The following ABLIM1 variants were observed in gnomAD, a reference collection of about 807,000 sequenced individuals.
ABLIM1 encodes the protein actin binding LIM protein 1, also known as actin-binding LIM protein 1.
A neutral mutation model predicts 107.0 loss-of-function variants in ABLIM1; 40 were observed. The ratio of observed to expected loss-of-function variants is 0.37; its 90% confidence interval spans 0.29 to 0.49. ABLIM1 has a LOEUF of 0.49. ABLIM1 is among the 20% of genes least tolerant of loss of function. The probability of loss-of-function intolerance (pLI) is 0.97; values close to 1 mark genes in which losing one functional copy is unlikely to be tolerated. For missense variants in ABLIM1, 857 were observed against 1,008.5 expected (o/e 0.85, Z 2.04); for synonymous variants, 357 against 357.3 (o/e 1.00, Z 0.01).
At chr10:114,787,771 C>T in the ABLIM1 span, among the ~76,000 whole-genome samples, 2 of 142,470 alleles carry the variant, frequency 1.4e-5, no homozygotes, top group African/African-American at 5.1e-5. Context: ...TCTGCCCTGC[C>T]GCCCCTACTG....
chr10:114,488,536 A>G (rs1302227458), intron 7 of ABLIM1, among the ~76,000 whole-genome samples: 2 of 152,224 alleles, frequency 1.3e-5, no homozygotes, highest in African/African-American at 4.8e-5. Context: ...TGAGAAACCA[A>G]CTAGTAGAAA....
upstream of ABLIM1, among the ~76,000 whole-genome samples, chr10:114,769,443 GAAAGAAAGAAAGAAAGAA>G (rs2082989343): frequency 2.7e-5 from 1 of 37,316 alleles, no homozygotes; most frequent in Non-Finnish European, 7.7e-5. Flanking sequence ...AAGAAAGAAA[GAAAGAAAGAAAGAAAGAA>G]AGAAAGAAAG....
intron 1 of ABLIM1, among the ~76,000 whole-genome samples, chr10:114,755,568 GT>G (rs1398340595): frequency 6.6e-6 from 1 of 152,322 alleles, no homozygotes; most frequent in East Asian, 1.9e-4. Flanking sequence ...AGCTCTACGC[GT>G]TTGTGGCATG....
At chr10:114,479,775 T>G (rs2057063181) in intron 8 of ABLIM1, among the ~76,000 whole-genome samples, 1 of 152,224 alleles carries the variant, frequency 6.6e-6, no homozygotes, top group Non-Finnish European at 1.5e-5. Context: ...TGAATGATTA[T>G]TTTTGGACTT....
chr10:114,708,530 G>A (rs1310011327), intron 1 of ABLIM1, among the ~76,000 whole-genome samples: 3 of 152,084 alleles, frequency 2.0e-5, no homozygotes. Context: ...GTGTATTTCT[G>A]GCAAAAGAAA....
intron 1 of ABLIM1, among the ~76,000 whole-genome samples, chr10:114,622,437 G>C (rs2077530694): frequency 6.6e-6 from 1 of 151,406 alleles, no homozygotes; most frequent in Non-Finnish European, 1.5e-5. Flanking sequence ...GGGATGGGGG[G>C]AATTTTGTTT....
At chr10:114,693,098 G>A (rs1193709161) in intron 1 of ABLIM1, among the ~76,000 whole-genome samples, 1 of 152,184 alleles carries the variant, frequency 6.6e-6, no homozygotes, top group Admixed American at 6.5e-5. Context: ...GGAGGCTAAA[G>A]GGAGGCTTCC....
Position 114,575,462 on chromosome 10 carries a change from G to C in ABLIM1, c.517C>G (p.Leu173Val), listed in dbSNP as rs2072390575. ...CAATTGGGATGGTAGGTCTTGCCCA[G>C]AGCAGTCACCACTTCGCCCTCCACG... Reference protein sequence around the residue: ...EFVEGEVVTALGKTYHPNCFA... With the variant: ...EFVEGEVVTAVGKTYHPNCFA... Residue 173 changes from leucine (L) to valine (V), a missense_variant, in exon 3 of 23, where the codon CTG (leucine) becomes GTG (valine). By Grantham distance (32) the Leu-to-Val change is conservative. Around this residue, in one of 5 missense-constraint regions of ABLIM1, gnomAD observed 381 missense variants for 506.9 expected, o/e 0.75. Coordinates refer to ENST00000533213, the MANE Select transcript of ABLIM1 (RefSeq NM_002313.7). 6.8e-6 allele frequency: 11 copies of C among 1,614,084 alleles called. No individual in the cohort carries two copies. The highest frequency in any genetic ancestry group is 9.3e-6 in the Non-Finnish European group (11 of 1,180,046).
At chr10:114,631,183 C>T (rs147747600) in intron 1 of ABLIM1, among the ~76,000 whole-genome samples, 7 of 152,294 alleles carry the variant, frequency 4.6e-5, no homozygotes, top group Non-Finnish European at 1.0e-4. Context: ...TCACATTTCC[C>T]GGAGAAACAA....
chr10:114,644,340 T>TACATATATA (rs2078916770), intron 1 of ABLIM1, among the ~76,000 whole-genome samples: 1 of 134,184 alleles, frequency 7.5e-6, no homozygotes, highest in African/African-American at 3.0e-5. Context: ...TGTGTATATA[T>TACATATATA]TGTATATATA....
intron 3 of ABLIM1, among the ~76,000 whole-genome samples, chr10:114,574,017 A>G (rs2072095818): frequency 6.6e-6 from 1 of 152,244 alleles, no homozygotes; most frequent in Non-Finnish European, 1.5e-5. Flanking sequence ...GCTAATACAT[A>G]GCTATAAAGT....
chr10:114,722,732 G>A (rs2081876090), intron 1 of ABLIM1, among the ~76,000 whole-genome samples: 1 of 152,256 alleles, frequency 6.6e-6, no homozygotes, highest in South Asian at 2.1e-4. Context: ...AGCAGGTAAT[G>A]CTTTGTCCTT....
At position 114,748,572 on chromosome 10, in the gene ABLIM1, G is replaced by C. The variant is rs2082435265; in HGVS notation, c.-213+19489C>G. ...TAAGTTCATTTCTCCCCTCCATTTT[G>C]CCTGTTTCAAAAAAAAAAAAAAGTA... On this transcript the variant is annotated intron_variant, in intron 1 of 15. Transcript: ENST00000651092. Among the ~76,000 whole-genome samples, 4 of 113,826 alleles carry C rather than the reference G, an allele frequency of 3.5e-5. No individual in the cohort carries two copies. The Admixed American group carries it at 3.7e-4, about 10-fold the overall frequency. 74.7% of individuals were successfully genotyped at this position (113,826 alleles called of 152,430 possible). A position where few individuals can be genotyped will look rare whatever the true frequency, so the allele number is the denominator to read the frequency against.
chr10:114,767,054 T>G (rs2082911557), intron 1 of ABLIM1, among the ~76,000 whole-genome samples: 1 of 152,010 alleles, frequency 6.6e-6, no homozygotes, highest in South Asian at 2.1e-4. Context: ...GAAAAGGAAT[T>G]AAAACACTCT....
intron 1 of ABLIM1, among the ~76,000 whole-genome samples, chr10:114,677,627 G>C (rs551377060): frequency 1.3e-3 from 203 of 152,210 alleles, no homozygotes; most frequent in African/African-American, 4.8e-3. Flanking sequence ...TACAAAAAAT[G>C]AGCCATGTGT....
At chr10:114,644,383 G>T (rs1159246646) in intron 1 of ABLIM1, among the ~76,000 whole-genome samples, 3 of 136,194 alleles carry the variant, frequency 2.2e-5, no homozygotes, top group Non-Finnish European at 3.1e-5. Context: ...TTGGTTCTAA[G>T]GATAATCACA....
At chr10:114,678,556 T>C (rs1355826962) in intron 1 of ABLIM1, among the ~76,000 whole-genome samples, 2 of 152,230 alleles carry the variant, frequency 1.3e-5, no homozygotes, top group Non-Finnish European at 2.9e-5. Flanking sequence ...TCCATTTATT[T>C]ATGTATTGTC....
At chr10:114,762,775 T>C (rs1030813300) in intron 1 of ABLIM1, among the ~76,000 whole-genome samples, 2 of 151,112 alleles carry the variant, frequency 1.3e-5, no homozygotes, top group African/African-American at 4.9e-5. Context: ...ACATAGATTT[T>C]ATTCTAAAAC....
At chr10:114,474,743 T>A (rs1186384103) in intron 8 of ABLIM1, among the ~76,000 whole-genome samples, 1 of 152,170 alleles carries the variant, frequency 6.6e-6, no homozygotes, top group East Asian at 1.9e-4. Flanking sequence ...AGCATTGATA[T>A]AGTTTGGCTG....
Sources: allele counts gnomAD v4.1 joint callset (sites outside exome capture counted in the v4.1 genomes callset), GRCh38; gene constraint gnomAD v4.1.1; regional missense constraint gnomAD v4.1.1; transcripts MANE v1.5; gene names NCBI Gene and HGNC (gene_info 2026-07-23, HGNC 2026-07-21).